CREB5: variants seen among roughly 807,000 people sequenced by gnomAD.
CREB5 encodes cyclic AMP-responsive element-binding protein 5.
Under a neutral mutation model 57.1 loss-of-function variants are expected in CREB5, and 19 were observed. That is an observed-to-expected ratio of 0.33 (90% CI 0.23 to 0.49). CREB5 has a LOEUF of 0.49. Among genes scored for constraint, CREB5 ranks in the 20% least tolerant of loss-of-function variants. The pLI, the probability that CREB5 is intolerant of heterozygous loss-of-function variation, is 0.99. For synonymous variants in CREB5, 238 were observed against 238.3 expected (o/e 1.00, Z 0.01); for missense variants, 579 against 671.6 (o/e 0.86, Z 1.52).
At chr7:28,388,010 C>T (rs530354215) in intron 1 of CREB5, among the ~76,000 whole-genome samples, 1 of 152,272 alleles carries the variant, frequency 6.6e-6, no homozygotes, top group African/African-American at 2.4e-5. Context: ...ATCATGGAGC[C>T]TATTTCCTCA....
At chr7:28,323,673 G>A (rs556328288) in intron 1 of CREB5, among the ~76,000 whole-genome samples, 1 of 152,284 alleles carries the variant, frequency 6.6e-6, no homozygotes, top group South Asian at 2.1e-4. Flanking sequence ...CCAGAGACCA[G>A]TTTTATGGAA....
intron 4 of CREB5, among the ~76,000 whole-genome samples, chr7:28,550,230 G>A (rs1463024591): frequency 2.0e-5 from 3 of 149,528 alleles, no homozygotes; most frequent in Non-Finnish European, 4.4e-5. Flanking sequence ...CTCCTTCTCT[G>A]TCTTCTTGTT....
At chr7:28,570,271 A>G (rs1583645300) in intron 4 of CREB5, 94 bp from the exon 5 acceptor site, 3 of 1,349,522 alleles carry the variant, frequency 2.2e-6, no homozygotes, top group Admixed American at 4.1e-5. Context: ...TGTAGTTGAC[A>G]TGACTAGATT....
chr7:28,657,526 C>T (rs946943277), intron 5 of CREB5, among the ~76,000 whole-genome samples: 3 of 151,832 alleles, frequency 2.0e-5, no homozygotes, highest in African/African-American at 4.8e-5. Context: ...GTCAGGAGTT[C>T]GAGACCAGCC....
At chr7:28,406,170 G>A (rs1296795760) in intron 1 of CREB5, among the ~76,000 whole-genome samples, 1 of 152,196 alleles carries the variant, frequency 6.6e-6, no homozygotes, top group Non-Finnish European at 1.5e-5. Flanking sequence ...CTTCCCATCT[G>A]AGGCCTCTTG....
chr7:28,626,634 T>G (rs150016187), intron 5 of CREB5, among the ~76,000 whole-genome samples: 28 of 152,306 alleles, frequency 1.8e-4, no homozygotes, highest in African/African-American at 6.3e-4. Context: ...ATCGATTTTA[T>G]TGCTTCTAAA....
At chr7:28,579,279 T>C (rs1296154230) in intron 5 of CREB5, among the ~76,000 whole-genome samples, 4 of 152,246 alleles carry the variant, frequency 2.6e-5, no homozygotes, top group Admixed American at 1.3e-4. Context: ...TGACATAGAC[T>C]GCTGAAGAAG....
At chr7:28,582,708 T>A (rs1206666251) in intron 5 of CREB5, among the ~76,000 whole-genome samples, 1 of 152,200 alleles carries the variant, frequency 6.6e-6, no homozygotes, top group Non-Finnish European at 1.5e-5. Context: ...AACTTACAAA[T>A]TTTGTTAATT....
At chr7:28,754,021 ACAGAAAGC>A (rs1262360944) in intron 7 of CREB5, among the ~76,000 whole-genome samples, 1 of 151,736 alleles carries the variant, frequency 6.6e-6, no homozygotes, top group Non-Finnish European at 1.5e-5. Flanking sequence ...TCATCAAATT[ACAGAAAGC>A]CAAATATCTA....
At position 28,674,390 on chromosome 7, in the gene CREB5, C is replaced by T. The variant is rs376483120; in HGVS notation, c.465-44363C>T. 1.1e-4 allele frequency among the ~76,000 whole-genome samples: 16 copies of T among 152,324 alleles called. 1 individual carries two copies. Among genetic ancestry groups the T allele is most frequent in the African/African-American group, 3.1e-4 (13 of 41,564 alleles). On this transcript the variant is annotated intron_variant, in intron 5 of 10. Transcript: ENST00000357727. ...TCATCTGAAGTGACTGTTGTACTGACATTGGCTTCCAGGACTCTTTCCTGT... is the reference window on the plus strand; with the variant it reads ...TCATCTGAAGTGACTGTTGTACTGATATTGGCTTCCAGGACTCTTTCCTGT...
chr7:28,565,072 G>A (rs1466372116), intron 4 of CREB5, among the ~76,000 whole-genome samples: 2 of 152,098 alleles, frequency 1.3e-5, no homozygotes, highest in Non-Finnish European at 2.9e-5. Flanking sequence ...TAGACAAACT[G>A]GACTAGAATA....
intron 5 of CREB5, among the ~76,000 whole-genome samples, chr7:28,651,903 T>C (rs1347858320): frequency 6.6e-6 from 1 of 152,222 alleles, no homozygotes; most frequent in Admixed American, 6.5e-5. Context: ...GTAGGAATCA[T>C]GAGAGCTGAA....
At chr7:28,661,874 T>C (rs989762347) in intron 5 of CREB5, among the ~76,000 whole-genome samples, 6 of 152,238 alleles carry the variant, frequency 3.9e-5, no homozygotes, top group African/African-American at 1.4e-4. Context: ...GTAAACATTA[T>C]AAATGACAAC....
intron 8 of CREB5, among the ~76,000 whole-genome samples, chr7:28,807,643 A>G (rs1808823149): frequency 6.6e-6 from 1 of 152,170 alleles, no homozygotes. Context: ...ATTGATTTCA[A>G]TCATAGTGCT....
At chr7:28,387,737 C>A (rs141087842) in intron 1 of CREB5, among the ~76,000 whole-genome samples, 15 of 152,228 alleles carry the variant, frequency 9.9e-5, no homozygotes, top group African/African-American at 3.6e-4. Context: ...CCATGACACA[C>A]ATGGTGTCAT....
chr7:28,481,760 T>C (rs1451110874), intron 1 of CREB5, among the ~76,000 whole-genome samples: 2 of 152,092 alleles, frequency 1.3e-5, no homozygotes, highest in Non-Finnish European at 1.5e-5. Context: ...AGTATATGCA[T>C]GTGTCTGTGT....
chr7:28,581,793 C>G (rs771613594), intron 5 of CREB5, among the ~76,000 whole-genome samples: 7 of 152,180 alleles, frequency 4.6e-5, no homozygotes, highest in African/African-American at 1.7e-4. Flanking sequence ...GCAGGGAAGA[C>G]CCGGGTGACC....
intron 4 of CREB5, among the ~76,000 whole-genome samples, chr7:28,508,758 C>T (rs938967308): frequency 3.9e-5 from 6 of 152,174 alleles, no homozygotes; most frequent in African/African-American, 1.2e-4. Flanking sequence ...TACAAAATCT[C>T]AGTCAACTCG....
chr7:28,562,365 G>A lies in CREB5; in HGVS notation c.292-8000G>A, dbSNP rs559918204. 5.3e-5 allele frequency among the ~76,000 whole-genome samples: 8 copies of A among 152,248 alleles called. No homozygotes were observed. The East Asian group carries it at 9.6e-4, about 18-fold the overall frequency. Reference sequence around the variant, plus strand: ...AAGATATTTATTGTCTTGAGTATTCGACTACAAGATTAAATGAATAGCTAT... The same window carrying A: ...AAGATATTTATTGTCTTGAGTATTCAACTACAAGATTAAATGAATAGCTAT... On this transcript the variant is annotated intron_variant, in intron 4 of 10. Coordinates refer to ENST00000357727, the MANE Select transcript of CREB5 (RefSeq NM_182898.4).
Sources: allele counts gnomAD v4.1 joint callset (sites outside exome capture counted in the v4.1 genomes callset), GRCh38; gene constraint gnomAD v4.1.1; transcripts MANE v1.5; gene names NCBI Gene and HGNC (gene_info 2026-07-23, HGNC 2026-07-21).